FRMD4A: variants seen among roughly 807,000 people sequenced by gnomAD.
FRMD4A encodes the protein FERM domain containing 4A.
Under a neutral mutation model 129.1 loss-of-function variants are expected in FRMD4A, and 29 were observed. The ratio of observed to expected loss-of-function variants is 0.22; its 90% confidence interval spans 0.17 to 0.31. FRMD4A has a LOEUF of 0.31. FRMD4A is among the 10% of genes least tolerant of loss of function. The pLI is 1.00. For synonymous variants in FRMD4A, 634 were observed against 571.6 expected (o/e 1.11, Z -1.56); for missense variants, 1,272 against 1,375.8 (o/e 0.92, Z 1.19).
At chr10:14,039,501 T>TCTAC (rs1555021971) in intron 2 of FRMD4A, among the ~76,000 whole-genome samples, 52 of 150,678 alleles carry the variant, frequency 3.5e-4, no homozygotes, top group Admixed American at 3.1e-3. Context: ...TATCTATCTA[T>TCTAC]CTATCTATCT....
At chr10:13,974,428 A>G (rs2095533658) in intron 2 of FRMD4A, among the ~76,000 whole-genome samples, 1 of 152,098 alleles carries the variant, frequency 6.6e-6, no homozygotes, top group Non-Finnish European at 1.5e-5. Flanking sequence ...CTCTGTGCCC[A>G]TGGAAGCTCG....
At chr10:14,086,240 T>C (rs1019103174) in intron 2 of FRMD4A, among the ~76,000 whole-genome samples, 4 of 152,328 alleles carry the variant, frequency 2.6e-5, no homozygotes, top group African/African-American at 9.6e-5. Context: ...TTGAGGTTTC[T>C]ACCCTGGTAA....
intron 12 of FRMD4A, 88 bp downstream of exon 12, chr10:13,737,756 C>T (rs771732872): frequency 1.1e-5 from 8 of 735,482 alleles, no homozygotes; most frequent in African/African-American, 1.7e-5. Context: ...CTTTAGGCTG[C>T]ATGGCGTTAG....
At chr10:13,801,426 C>T (rs548681295) in intron 4 of FRMD4A, among the ~76,000 whole-genome samples, 28 of 152,342 alleles carry the variant, frequency 1.8e-4, no homozygotes, top group South Asian at 4.1e-4. Flanking sequence ...GAGGGGATCA[C>T]GATGCATGGC....
At chr10:13,953,209 G>A (rs1290569077) in intron 2 of FRMD4A, among the ~76,000 whole-genome samples, 1 of 152,126 alleles carries the variant, frequency 6.6e-6, no homozygotes, top group Admixed American at 6.6e-5. Context: ...TGAAACTCAG[G>A]TTGCTTTGCA....
intron 2 of FRMD4A, among the ~76,000 whole-genome samples, chr10:14,066,386 T>C (rs1413402635): frequency 1.3e-5 from 2 of 152,146 alleles, no homozygotes; most frequent in African/African-American, 4.8e-5. Flanking sequence ...TTCAGTGCCA[T>C]AAGATCAGGA....
chr10:13,653,087 A>G (rs927535034), intron 23 of FRMD4A: 1 of 152,190 alleles, frequency 6.6e-6, no homozygotes, highest in African/African-American at 2.4e-5. Flanking sequence ...GATGATGAGG[A>G]TTGTATGAGC....
intron 2 of FRMD4A, chr10:14,008,593 G>T: frequency 1.3e-6 from 1 of 780,012 alleles, no homozygotes; most frequent in South Asian, 5.8e-5. Flanking sequence ...ATTCCATCAC[G>T]TGACTCCCAA....
At chr10:14,127,980 T>TTTCTTTCTTTCTTTCTC (rs1564319427) in intron 2 of FRMD4A, among the ~76,000 whole-genome samples, 1 of 19,358 alleles carries the variant, frequency 5.2e-5, no homozygotes, top group Non-Finnish European at 1.0e-4. Context: ...CTTTCTTTCC[T>TTTCTTTCTTTCTTTCTC]TCTCTCTCTC....
chr10:13,724,020 G>T (rs1433777205), intron 12 of FRMD4A, among the ~76,000 whole-genome samples: 2 of 152,202 alleles, frequency 1.3e-5, no homozygotes, highest in Admixed American at 6.5e-5. Flanking sequence ...GGAGTGATCA[G>T]AAAAGTCATG....
chr10:14,206,974 A>C (rs1166325493), intron 2 of FRMD4A, among the ~76,000 whole-genome samples: 2 of 152,020 alleles, frequency 1.3e-5, no homozygotes, highest in Non-Finnish European at 2.9e-5. Flanking sequence ...ATAATTTGTA[A>C]TCTTGGACCT....
chr10:14,276,442 T>C (rs1218353), intron 2 of FRMD4A, among the ~76,000 whole-genome samples: 40,044 of 152,102 alleles, frequency 0.26, 5,853 homozygotes, highest in African/African-American at 0.38. Flanking sequence ...GCTTTACTCC[T>C]GCCTCTCAGG....
At chr10:14,148,810 G>A (rs1248321241) in intron 2 of FRMD4A, among the ~76,000 whole-genome samples, 1 of 151,758 alleles carries the variant, frequency 6.6e-6, no homozygotes, top group Non-Finnish European at 1.5e-5. Context: ...CCTCCACCCT[G>A]TTTCCAGGAG....
intron 2 of FRMD4A, among the ~76,000 whole-genome samples, chr10:14,044,551 G>A (rs1052137248): frequency 5.3e-5 from 8 of 152,238 alleles, no homozygotes; most frequent in African/African-American, 7.2e-5. Context: ...TGAGGACAGA[G>A]GCACATTGGA....
Position 13,721,487 on chromosome 10 carries a change from A to T in FRMD4A, c.760-14374T>A, listed in dbSNP as rs113196628. Among the ~76,000 whole-genome samples the T allele has an allele frequency of 5.3e-3, 801 of 152,264 alleles. 8 individuals are homozygous for T. The highest frequency in any genetic ancestry group is 0.018 in the African/African-American group (762 of 41,548). On this transcript the variant is annotated intron_variant, in intron 12 of 24. Transcript: ENST00000357447. ...ATAAAGTGAAACTCTGCCTCAAAAA[A>T]AAAGAACTCGATAAGACTTATTATT...
chr10:14,273,894 T>C (rs1011921669), intron 2 of FRMD4A, among the ~76,000 whole-genome samples: 5 of 152,174 alleles, frequency 3.3e-5, no homozygotes, highest in African/African-American at 1.2e-4. Flanking sequence ...CAGGGCACTG[T>C]GCTGGAATCT....
At chr10:13,917,955 G>A (rs570639472) in intron 2 of FRMD4A, among the ~76,000 whole-genome samples, 1 of 152,266 alleles carries the variant, frequency 6.6e-6, no homozygotes, top group South Asian at 2.1e-4. Flanking sequence ...GTGGGCAAGC[G>A]CACTGTCAAC....
At chr10:14,316,491 G>A (rs1328071047) in intron 2 of FRMD4A, among the ~76,000 whole-genome samples, 1 of 113,426 alleles carries the variant, frequency 8.8e-6, no homozygotes, top group Non-Finnish European at 1.7e-5. Flanking sequence ...CCAGTCTCTA[G>A]TATTTTGTGA....
At chr10:13,995,575 ACT>A (rs1037457234) in intron 2 of FRMD4A, among the ~76,000 whole-genome samples, 58 of 152,242 alleles carry the variant, frequency 3.8e-4, no homozygotes, top group African/African-American at 1.4e-3. Context: ...ACAGAGCAAG[ACT>A]CTGTCTCAGA....
Sources: gnomAD v4.1 joint callset for allele counts (sites outside exome capture counted in the v4.1 genomes callset) on GRCh38, gnomAD v4.1.1 for gene constraint, MANE v1.5 for transcripts, NCBI Gene and HGNC (gene_info 2026-07-23, HGNC 2026-07-21) for gene names.